ARHGEF6: variants seen among roughly 807,000 people sequenced by gnomAD.
The protein encoded by ARHGEF6 is Rac/Cdc42 guanine nucleotide exchange factor 6.
Under a neutral mutation model 70.3 loss-of-function variants are expected in ARHGEF6, and 9 were observed. The observed-to-expected ratio is 0.13, with a 90% CI of 0.08 to 0.22. ARHGEF6 has a LOEUF of 0.22. ARHGEF6 is among the 10% of genes least tolerant of loss of function. The pLI is 1.00. For synonymous variants in ARHGEF6, 201 were observed against 207.8 expected (o/e 0.97, Z 0.28); for missense variants, 470 against 563.0 (o/e 0.83, Z 1.67).
intron 9 of ARHGEF6, among the ~76,000 whole-genome samples, chrX:136,702,524 G>A (rs938716243): frequency 8.9e-6 from 1 of 112,102 alleles, no homozygotes; most frequent in Non-Finnish European, 1.9e-5. Context: ...ACAATTAAAA[G>A]TAAAGAGATG....
At chrX:136,767,986 C>T (rs1053869109) in intron 2 of ARHGEF6, among the ~76,000 whole-genome samples, 5 of 112,485 alleles carry the variant, frequency 4.4e-5, no homozygotes, top group Non-Finnish European at 9.4e-5. Flanking sequence ...TGGCATGTTG[C>T]GGGTCACTGC....
chrX:136,750,711 GGACA>G (rs2148666036), intron 2 of ARHGEF6, among the ~76,000 whole-genome samples: 1 of 111,670 alleles, frequency 9.0e-6, no homozygotes, highest in Non-Finnish European at 1.9e-5. Context: ...CTAACCAATA[GGACA>G]GACAGGGATT....
chrX:136,778,248 C>T (rs1191733259), intron 2 of ARHGEF6, among the ~76,000 whole-genome samples: 2 of 111,632 alleles, frequency 1.8e-5, no homozygotes, highest in Non-Finnish European at 1.9e-5. Context: ...AAGTAACATG[C>T]CCAAGGTCAC....
rs144985578 is a variant in ARHGEF6 at position 136,680,621 on chromosome X, T to C, written c.1704+110A>G. On this transcript the variant is annotated intron_variant, in intron 15 of 21. Transcript: ENST00000250617. ...AACTGTACTTCAAAATCTACAAATA[T>C]AGGCTGCCCAAAAGACTAAGGGTGT... 2.0e-4 allele frequency: 177 copies of C among 901,466 alleles called. 1 individual carries two copies. The African/African-American group carries it at 2.9e-3, about 15-fold the overall frequency. The allele number at this position is 901,466 out of a possible 1,213,427, so 74.3% of individuals were successfully genotyped here.
chrX:136,686,599 TATATATATATATATATATATATACAC>T (rs1333551878), intron 11 of ARHGEF6, among the ~76,000 whole-genome samples: 1 of 71,649 alleles, frequency 1.4e-5, no homozygotes, highest in Non-Finnish European at 2.4e-5. Context: ...TGTGTGTATA[TATATATATATATATATATATATACAC>T]ATATATATAT....
intron 9 of ARHGEF6, among the ~76,000 whole-genome samples, chrX:136,699,881 AT>A (rs1370804052): frequency 9.0e-6 from 1 of 110,918 alleles, no homozygotes; most frequent in Non-Finnish European, 1.9e-5. Context: ...TGGAGCATCC[AT>A]TTTGAAATAA....
At position 136,743,754 on chromosome X, in the gene ARHGEF6, T is replaced by A. The variant is rs772460410; in HGVS notation, c.492A>T (p.Ile164=). Residue 164 remains isoleucine (I), a synonymous_variant, in exon 5 of 22, where the codon ATA becomes ATT. Coordinates refer to ENST00000250617, the MANE Select transcript of ARHGEF6 (RefSeq NM_004840.3). ...EMTENGSHQL[I]VKARFNFKQT... Reference sequence around the variant, plus strand: ...GCTTAAAGTTGAATCTTGCTTTTACTATCAACTGATGACTTCCATTTTCCG... The same window carrying A: ...GCTTAAAGTTGAATCTTGCTTTTACAATCAACTGATGACTTCCATTTTCCG... The A allele has an allele frequency of 4.1e-6, 5 of 1,211,839 alleles. No homozygotes were observed. The highest frequency in any genetic ancestry group is 5.6e-6 in the Non-Finnish European group (5 of 895,491).
At chrX:136,725,212 G>A (rs780942079) in intron 6 of ARHGEF6, among the ~76,000 whole-genome samples, 8 of 111,423 alleles carry the variant, frequency 7.2e-5, no homozygotes, top group Non-Finnish European at 1.5e-4. Context: ...AGGGAGGCAC[G>A]CAGACACTTC....
chrX:136,754,337 G>A (rs966498728), intron 2 of ARHGEF6, among the ~76,000 whole-genome samples: 2 of 111,101 alleles, frequency 1.8e-5, no homozygotes, highest in African/African-American at 6.6e-5. Flanking sequence ...TGTAATCCCA[G>A]CACCTTGGGA....
intron 2 of ARHGEF6, among the ~76,000 whole-genome samples, chrX:136,755,262 T>C (rs2077194415): frequency 8.9e-6 from 1 of 112,467 alleles, no homozygotes; most frequent in South Asian, 3.6e-4. Context: ...TTATGCTTTT[T>C]CCTTGTCCCT....
At chrX:136,757,507 T>C (rs1217142010) in intron 2 of ARHGEF6, among the ~76,000 whole-genome samples, 1 of 112,162 alleles carries the variant, frequency 8.9e-6, no homozygotes, top group African/African-American at 3.2e-5. Context: ...TGCTCCAGAA[T>C]CTTCTTTCTT....
intron 1 of ARHGEF6, 25 bp downstream of exon 1, chrX:136,780,693 C>T: frequency 8.3e-7 from 1 of 1,200,252 alleles, no homozygotes; most frequent in Non-Finnish European, 1.1e-6. Flanking sequence ...TAAGCAATCC[C>T]AAAGAGACTG....
rs1357827740 is a variant in ARHGEF6, at chrX:136,779,516, A to G, written c.166-19T>C. On this transcript the variant is annotated intron_variant, in intron 1 of 21. Coordinates refer to ENST00000250617, the MANE Select transcript of ARHGEF6 (RefSeq NM_004840.3). ...GACAAAACTAGAGGAACACAGTGAAATGTCACTTGGAGATTGTCATCCCAT... is the reference window on the plus strand; with the variant it reads ...GACAAAACTAGAGGAACACAGTGAAGTGTCACTTGGAGATTGTCATCCCAT... The G allele has an allele frequency of 8.4e-7, 1 of 1,185,415 alleles. No individual in the cohort carries two copies. Among genetic ancestry groups the G allele is most frequent in the East Asian group, 3.0e-5 (1 of 33,757 alleles).
At chrX:136,679,133 T>C (rs1020076117) in intron 16 of ARHGEF6, among the ~76,000 whole-genome samples, 1 of 112,437 alleles carries the variant, frequency 8.9e-6, no homozygotes, top group African/African-American at 3.2e-5. Context: ...ACTTTACTAA[T>C]TTGGTTCAAA....
intron 12 of ARHGEF6, among the ~76,000 whole-genome samples, chrX:136,683,068 A>T (rs1204679028): frequency 1.8e-5 from 2 of 112,088 alleles, no homozygotes; most frequent in Non-Finnish European, 3.8e-5. Context: ...TCTTATACAT[A>T]ACAATTAAAT....
intron 14 of ARHGEF6, among the ~76,000 whole-genome samples, chrX:136,681,627 C>T (rs925547473): frequency 4.5e-5 from 5 of 112,170 alleles, no homozygotes; most frequent in Non-Finnish European, 7.5e-5. Context: ...CAGTCCATTT[C>T]GTTATTCCTT....
In ARHGEF6 at chrX:136,675,053, G is replaced by T; in HGVS notation, c.1989C>A (p.Ile663=). The T allele has an allele frequency of 8.3e-7, 1 of 1,211,483 alleles. No individual in the cohort carries two copies. Among genetic ancestry groups the T allele is most frequent in the Non-Finnish European group, 1.1e-6 (1 of 895,212 alleles). The change falls in exon 19 of 22, where the codon ATC becomes ATA. Residue 663 remains isoleucine (I), a synonymous_variant. Transcript: ENST00000250617. The stretch of plus-strand genomic sequence containing the variant: ...AATTTGCGCTGGTGCAGTAGGCTTC[G>T]ATCACTTTAAGGATTTGAGCATCCT... ...LEEDAQILKV[I]EAYCTSANFQ...
rs749562582 is a variant in ARHGEF6, at chrX:136,685,713, A to G, written c.1356T>C (p.Phe452=). 62 of 1,208,813 alleles carry G rather than the reference A, an allele frequency of 5.1e-5. No homozygotes were observed. The highest frequency in any genetic ancestry group is 6.9e-5 in the Non-Finnish European group (62 of 894,373). Residue 452 remains phenylalanine, a synonymous_variant, in exon 12 of 22, where the codon TTT becomes TTC. Transcript: ENST00000250617. ...EDIKNLGNVI[F]MSQVMVQYGA... ...CATACTGCACCATTACTTGTGACAT[A>G]AAAATCACATTTCCCAAGTTTTTAA...
intron 11 of ARHGEF6, 106 bp from the exon 12 acceptor site, chrX:136,685,929 C>T: frequency 1.2e-6 from 1 of 859,730 alleles, no homozygotes; most frequent in East Asian, 3.2e-5. Flanking sequence ...CCACTGAGTC[C>T]CTATTCCTCA....
Sources: allele counts gnomAD v4.1 joint callset (sites outside exome capture counted in the v4.1 genomes callset), GRCh38; gene constraint gnomAD v4.1.1; transcripts MANE v1.5; gene names NCBI Gene and HGNC (gene_info 2026-07-23, HGNC 2026-07-21).